DDC: variants seen among roughly 807,000 people sequenced by gnomAD.
DDC encodes aromatic-L-amino-acid decarboxylase.
In DDC, 43 loss-of-function variants were observed where a neutral mutation model predicts 60.0. The ratio of observed to expected loss-of-function variants is 0.72; its 90% CI spans 0.56 to 0.92. The LOEUF is 0.92. Among genes scored for constraint, DDC ranks in the 40% least tolerant of loss-of-function variants. The probability of loss-of-function intolerance (pLI) is 0.00; values close to 1 mark genes in which losing one functional copy is unlikely to be tolerated. For missense variants in DDC, 573 were observed against 620.2 expected, an observed-to-expected ratio of 0.92 and a Z score of 0.81; for synonymous variants, 232 against 234.6, an observed-to-expected ratio of 0.99 and a Z score of 0.10.
At chr7:50,476,527 C>T in intron 11 of DDC, 97 bp downstream of exon 11, 1 of 1,162,942 alleles carries the variant, frequency 8.6e-7, no homozygotes, top group East Asian at 2.3e-5. Context: ...CCAGTGCGTG[C>T]TGATCATGAG....
chr7:50,482,540 G>A (rs140784445), intron 9 of DDC, among the ~76,000 whole-genome samples: 24 of 152,194 alleles, frequency 1.6e-4, no homozygotes, highest in Middle Eastern at 3.4e-3. Flanking sequence ...ACACACACAC[G>A]TTGATATTTA....
chr7:50,514,884 T>C (rs372073703), intron 6 of DDC, among the ~76,000 whole-genome samples: 24 of 152,220 alleles, frequency 1.6e-4, no homozygotes, highest in Admixed American at 2.0e-4. Context: ...GAAAAAAGAA[T>C]AAGAAAATAT....
chr7:50,506,805 A>C (rs1416998816), intron 6 of DDC, among the ~76,000 whole-genome samples: 1 of 152,240 alleles, frequency 6.6e-6, no homozygotes, highest in Non-Finnish European at 1.5e-5. Flanking sequence ...CCAACGGGCT[A>C]ACATCTTGCA....
rs376421187 is a variant in DDC, at chr7:50,548,384, A to G, written c.-28-4271T>C. ...AAACAGTTATCCAGGCTATGAAAGC[A>G]ATGGAAAAGTTATTGAAGGAAATTA... On this transcript the variant is annotated intron_variant, in intron 1 of 14. Coordinates refer to ENST00000444124, the MANE Select transcript of DDC (RefSeq NM_001082971.2). 5.9e-5 allele frequency among the ~76,000 whole-genome samples: 9 copies of G among 152,362 alleles called. No individual in the cohort carries two copies. The East Asian group carries it at 1.7e-3, about 29-fold the overall frequency.
chr7:50,476,411 T>A (rs1394853883), intron 11 of DDC, among the ~76,000 whole-genome samples: 3 of 152,138 alleles, frequency 2.0e-5, no homozygotes, highest in Non-Finnish European at 4.4e-5. Flanking sequence ...GGTCCAGGTT[T>A]CCCCCTCCTA....
At chr7:50,544,815 G>A (rs1347107639) in intron 1 of DDC, among the ~76,000 whole-genome samples, 1 of 152,186 alleles carries the variant, frequency 6.6e-6, no homozygotes, top group African/African-American at 2.4e-5. Flanking sequence ...TCTTCTAGGG[G>A]AAATACAATT....
chr7:50,533,904 T>C (rs536356766), intron 4 of DDC, among the ~76,000 whole-genome samples: 1 of 152,160 alleles, frequency 6.6e-6, no homozygotes, highest in Non-Finnish European at 1.5e-5. Context: ...CCCTGGCCGA[T>C]GGAGGAAATG....
At chr7:50,534,160 A>T (rs150059254) in intron 4 of DDC, among the ~76,000 whole-genome samples, 1 of 152,260 alleles carries the variant, frequency 6.6e-6, no homozygotes, top group Non-Finnish European at 1.5e-5. Context: ...CTTGACCAAG[A>T]TAAATTCCCC....
chr7:50,468,273 T>C (rs1251992075), intron 12 of DDC, among the ~76,000 whole-genome samples: 1 of 152,264 alleles, frequency 6.6e-6, no homozygotes. Flanking sequence ...AGACAGGCTT[T>C]GAGCATCGCT....
At chr7:50,499,088 G>T in intron 8 of DDC, 60 bp downstream of exon 8, 3 of 1,275,360 alleles carry the variant, frequency 2.4e-6, no homozygotes, top group Non-Finnish European at 2.3e-6. Context: ...CTCATGAAGG[G>T]AGAGGTCAAT....
chr7:50,483,405 T>C (rs2042812977), intron 9 of DDC, among the ~76,000 whole-genome samples: 1 of 152,234 alleles, frequency 6.6e-6, no homozygotes, highest in East Asian at 1.9e-4. Context: ...TATTTGCTAA[T>C]GTTTGACATA....
chr7:50,477,265 G>C (rs2042666802), intron 10 of DDC, among the ~76,000 whole-genome samples: 1 of 152,198 alleles, frequency 6.6e-6, no homozygotes, highest in Non-Finnish European at 1.5e-5. Context: ...CAATAAAGGA[G>C]AAGGAACCCT....
At chr7:50,462,437 G>A (rs1585128324) in intron 14 of DDC, among the ~76,000 whole-genome samples, 1 of 152,084 alleles carries the variant, frequency 6.6e-6, no homozygotes, top group Non-Finnish European at 1.5e-5. Context: ...TGTCTCCAGG[G>A]TTTAACTATG....
chr7:50,464,476 G>A (rs2042352253), intron 13 of DDC, among the ~76,000 whole-genome samples: 2 of 152,012 alleles, frequency 1.3e-5, no homozygotes, highest in Admixed American at 6.6e-5. Flanking sequence ...TCAAGGATGA[G>A]GATAGAGAAA....
intron 10 of DDC, 81 bp from the exon 11 acceptor site, chr7:50,476,724 G>C: frequency 7.3e-7 from 1 of 1,377,672 alleles, no homozygotes; most frequent in Non-Finnish European, 1.0e-6. Context: ...TCATTTTCCA[G>C]GTAAATTTCT....
intron 6 of DDC, among the ~76,000 whole-genome samples, chr7:50,509,338 C>T (rs1291586634): frequency 6.6e-6 from 1 of 152,186 alleles, no homozygotes; most frequent in African/African-American, 2.4e-5. Context: ...TTGGTCCTTC[C>T]ATCTTCCTCA....
chr7:50,516,647 C>A (rs905948162), intron 6 of DDC, among the ~76,000 whole-genome samples: 1 of 151,894 alleles, frequency 6.6e-6, no homozygotes, highest in Non-Finnish European at 1.5e-5. Flanking sequence ...AAGCTGATTT[C>A]TTTGAAAAGT....
Position 50,489,513 on chromosome 7 carries a change from A to G in DDC, c.944+5837T>C, listed in dbSNP as rs574754132. On this transcript the variant is annotated intron_variant, in intron 9 of 14. Coordinates refer to ENST00000444124, the MANE Select transcript of DDC (RefSeq NM_001082971.2). The stretch of plus-strand genomic sequence containing the variant: ...TTACAGGACTTTGACTCCTGGGTCT[A>G]AAAAAGATACCAAGTCCAGCTAAAT... 5.3e-5 allele frequency among the ~76,000 whole-genome samples: 8 copies of G among 152,328 alleles called. No homozygotes were observed. In the East Asian group the frequency reaches 1.5e-3, roughly 29 times the overall value.
At chr7:50,504,768 G>T (rs1455761368) in intron 6 of DDC, among the ~76,000 whole-genome samples, 1 of 152,148 alleles carries the variant, frequency 6.6e-6, no homozygotes, top group Non-Finnish European at 1.5e-5. Flanking sequence ...AGCAGAGCAA[G>T]CGCAGTAGAG....
Sources: allele counts gnomAD v4.1 joint callset (sites outside exome capture counted in the v4.1 genomes callset), GRCh38; gene constraint gnomAD v4.1.1; transcripts MANE v1.5; gene names NCBI Gene and HGNC (gene_info 2026-07-23, HGNC 2026-07-21).